Variants in FSTL4 observed in about 807,000 individuals in gnomAD.
FSTL4 encodes the protein follistatin-related protein 4.
A neutral mutation model predicts 78.2 loss-of-function variants in FSTL4; 28 were observed. The ratio of observed to expected loss-of-function variants is 0.36; its 90% CI spans 0.27 to 0.49. The LOEUF is 0.49. Among genes scored for constraint, FSTL4 ranks in the 20% least tolerant of loss-of-function variants. The pLI, the probability that FSTL4 is intolerant of heterozygous loss-of-function variation, is 0.98. For synonymous variants in FSTL4, 422 were observed against 440.5 expected (o/e 0.96, Z 0.53); for missense variants, 922 against 1,084.9 (o/e 0.85, Z 2.11).
At chr5:133,548,967 G>A (rs1759636865) in intron 3 of FSTL4, among the ~76,000 whole-genome samples, 1 of 152,094 alleles carries the variant, frequency 6.6e-6, no homozygotes, top group Non-Finnish European at 1.5e-5. Context: ...TTTCTACTGG[G>A]AAATAAACTA....
chr5:133,729,091 C>T, the FSTL4 span, among the ~76,000 whole-genome samples: 1 of 152,186 alleles, frequency 6.6e-6, no homozygotes, highest in African/African-American at 2.4e-5. Flanking sequence ...CTGAGAGGAA[C>T]AATTTCTGGA....
intron 8 of FSTL4, among the ~76,000 whole-genome samples, chr5:133,229,640 T>A (rs1751431312): frequency 6.6e-6 from 1 of 152,198 alleles, no homozygotes; most frequent in African/African-American, 2.4e-5. Flanking sequence ...TTTTGCTATA[T>A]CAGATATTAC....
intron 3 of FSTL4, among the ~76,000 whole-genome samples, chr5:133,441,930 G>A (rs180913949): frequency 1.3e-5 from 2 of 152,280 alleles, no homozygotes; most frequent in East Asian, 1.9e-4. Context: ...AATGGGTATG[G>A]GTGGCCATGC....
intron 3 of FSTL4, among the ~76,000 whole-genome samples, chr5:133,466,868 G>A (rs1439466926): frequency 6.6e-6 from 1 of 152,142 alleles, no homozygotes; most frequent in Non-Finnish European, 1.5e-5. Context: ...TCTAGGGTCA[G>A]AGTGTGAGTG....
Position 133,250,688 on chromosome 5 carries a change from C to T in FSTL4, c.728-1112G>A, listed in dbSNP as rs117310469. ...ACATCTGTGCTCACACCCTCTTGCCCGTGTGTGTGGGAGAGGGGAAGAGGG... is the reference window on the plus strand; with the variant it reads ...ACATCTGTGCTCACACCCTCTTGCCTGTGTGTGTGGGAGAGGGGAAGAGGG... On this transcript the variant is annotated intron_variant, in intron 6 of 15. Transcript: ENST00000265342. Among the ~76,000 whole-genome samples the T allele has an allele frequency of 4.7e-4, 71 of 152,300 alleles. No individual in the cohort carries two copies. The East Asian group carries it at 0.013, about 28-fold the overall frequency.
chr5:133,244,969 A>T (rs1751991144), intron 7 of FSTL4: 1 of 152,092 alleles, frequency 6.6e-6, no homozygotes, highest in Non-Finnish European at 1.5e-5. Flanking sequence ...AAAATAAAAA[A>T]ATTAGCCAGG....
At chr5:133,292,218 G>A (rs80328019) in intron 6 of FSTL4, among the ~76,000 whole-genome samples, 2,361 of 152,282 alleles carry the variant, frequency 0.016, 61 homozygotes, top group African/African-American at 0.054. Context: ...CAGAAAACAA[G>A]TCCACCTTGC....
At chr5:133,831,420 C>CTG in the FSTL4 span, among the ~76,000 whole-genome samples, 2 of 152,068 alleles carry the variant, frequency 1.3e-5, no homozygotes, top group Non-Finnish European at 2.9e-5. Flanking sequence ...TCATCCCCAC[C>CTG]CGAGAACTCC....
intron 3 of FSTL4, among the ~76,000 whole-genome samples, chr5:133,464,377 A>G (rs1222055841): frequency 5.3e-5 from 8 of 152,180 alleles, no homozygotes; most frequent in Non-Finnish European, 5.9e-5. Context: ...AATGAGAAAG[A>G]CAGTCCCACC....
chr5:133,521,113 T>C (rs2112897986), intron 3 of FSTL4, among the ~76,000 whole-genome samples: 1 of 152,238 alleles, frequency 6.6e-6, no homozygotes, highest in Non-Finnish European at 1.5e-5. Context: ...TTTAGCAAAA[T>C]GACCCCAGCC....
chr5:133,623,901 C>T, the FSTL4 span, among the ~76,000 whole-genome samples: 19 of 151,824 alleles, frequency 1.3e-4, no homozygotes, highest in East Asian at 3.9e-4. Flanking sequence ...AATGATATAC[C>T]GCTTCATACC....
the FSTL4 span, among the ~76,000 whole-genome samples, chr5:133,694,655 T>C: frequency 7.9e-5 from 12 of 152,214 alleles, no homozygotes; most frequent in African/African-American, 1.9e-4. Context: ...TGACCATTCA[T>C]CTTATGTCTT....
At chr5:133,699,501 T>C in the FSTL4 span, among the ~76,000 whole-genome samples, 1 of 151,874 alleles carries the variant, frequency 6.6e-6, no homozygotes, top group East Asian at 1.9e-4. Flanking sequence ...ATTTTATTCA[T>C]AAAGAAATGG....
chr5:133,252,399 G>A (rs1752279692), intron 6 of FSTL4: 1 of 152,126 alleles, frequency 6.6e-6, no homozygotes, highest in South Asian at 2.1e-4. Context: ...CATATCTCTG[G>A]GGGTGGGTAA....
At chr5:133,368,691 C>T (rs927152561) in intron 4 of FSTL4, among the ~76,000 whole-genome samples, 1 of 152,204 alleles carries the variant, frequency 6.6e-6, no homozygotes, top group East Asian at 1.9e-4. Flanking sequence ...ACACAGATTC[C>T]TGAGCCAGGA....
At chr5:133,518,655 T>A (rs1244557944) in intron 3 of FSTL4, among the ~76,000 whole-genome samples, 1 of 152,164 alleles carries the variant, frequency 6.6e-6, no homozygotes, top group Non-Finnish European at 1.5e-5. Context: ...AAGGACAAAA[T>A]TAGGAGTATA....
the FSTL4 span, among the ~76,000 whole-genome samples, chr5:133,769,161 G>C: frequency 6.6e-6 from 1 of 152,180 alleles, no homozygotes; most frequent in Non-Finnish European, 1.5e-5. Flanking sequence ...TCAAAAGACA[G>C]GATTTGAAAT....
At chr5:133,572,382 T>C (rs1580797368) in intron 2 of FSTL4, among the ~76,000 whole-genome samples, 1 of 152,200 alleles carries the variant, frequency 6.6e-6, no homozygotes, top group East Asian at 1.9e-4. Flanking sequence ...ATAAGCATAG[T>C]ACCCACCATC....
At chr5:133,285,304 A>C (rs1376580870) in intron 6 of FSTL4, among the ~76,000 whole-genome samples, 1 of 152,218 alleles carries the variant, frequency 6.6e-6, no homozygotes, top group Non-Finnish European at 1.5e-5. Context: ...CACTGCTAAA[A>C]TCTTGTAATA....
Sources: gnomAD v4.1 joint callset for allele counts (sites outside exome capture counted in the v4.1 genomes callset) on GRCh38, gnomAD v4.1.1 for gene constraint, MANE v1.5 for transcripts, NCBI Gene and HGNC (gene_info 2026-07-23, HGNC 2026-07-21) for gene names.